TNFRSF11B: variants seen among roughly 807,000 people sequenced by gnomAD.
TNFRSF11B encodes the protein tumor necrosis factor receptor superfamily member 11B.
TNFRSF11B carries 16 observed loss-of-function variants against 43.4 expected under a neutral mutation model. That is an observed-to-expected ratio of 0.37 (90% CI 0.25 to 0.56). The LOEUF (loss-of-function observed/expected upper bound fraction) is 0.56, where lower values mean the gene tolerates loss of function less well. Among genes scored for constraint, TNFRSF11B ranks in the 20% least tolerant of loss-of-function variants. TNFRSF11B has a pLI of 0.80. For missense variants in TNFRSF11B, 444 were observed against 490.1 expected, an observed-to-expected ratio of 0.91 and a Z score of 0.89; for synonymous variants, 185 against 181.8, an observed-to-expected ratio of 1.02 and a Z score of -0.14.
chr8:118,930,700 C>T (rs1416152693), intron 2 of TNFRSF11B: 4 of 443,074 alleles, frequency 9.0e-6, no homozygotes, highest in Admixed American at 4.8e-5. Flanking sequence ...ATGTGAGCCA[C>T]CGTGCCGGGC....
chr8:118,929,746 A>G (rs970159094), intron 2 of TNFRSF11B, among the ~76,000 whole-genome samples: 1 of 152,254 alleles, frequency 6.6e-6, no homozygotes, highest in Admixed American at 6.5e-5. Context: ...TATATTACGC[A>G]TGGCTAGATC....
chr8:118,924,347 A>C lies in TNFRSF11B; in HGVS notation c.*27T>G, dbSNP rs1432607813. 6.2e-7 allele frequency: 1 copy of C among 1,613,032 alleles called. No individual in the cohort carries two copies. The highest frequency in any genetic ancestry group is 1.3e-5 in the African/African-American group (1 of 75,012). On this transcript the variant is annotated 3_prime_UTR_variant, in exon 5 of 5. Coordinates refer to ENST00000297350, the MANE Select transcript of TNFRSF11B (RefSeq NM_002546.4). The stretch of plus-strand genomic sequence containing the variant: ...CATCCATGGGATCTCGCCAATTGTG[A>C]GGAAACAGCTCAATGGCCATTTCCA...
chr8:118,936,883 G>T (rs1812413250), intron 1 of TNFRSF11B, among the ~76,000 whole-genome samples: 1 of 152,166 alleles, frequency 6.6e-6, no homozygotes, highest in African/African-American at 2.4e-5. Flanking sequence ...AGAATTAAAT[G>T]ATTTTCTTTC....
chr8:118,947,879 A>G (rs1002397384), intron 1 of TNFRSF11B, among the ~76,000 whole-genome samples: 58 of 152,154 alleles, frequency 3.8e-4, no homozygotes, highest in African/African-American at 1.3e-3. Context: ...GTTTATGGCA[A>G]TTTTACAAAA....
At position 118,944,614 on chromosome 8, in the gene TNFRSF11B, C is replaced by CT. The variant is rs200541219; in HGVS notation, c.30+7177dup. Among the ~76,000 whole-genome samples, 437 of 151,154 alleles carry CT rather than the reference C, an allele frequency of 2.9e-3. 1 individual carries two copies. The highest frequency in any genetic ancestry group is 9.9e-3 in the African/African-American group (408 of 41,268). On this transcript the variant is annotated intron_variant, in intron 1 of 4. Transcript: ENST00000297350. ...TTTTAGCACAATCTAGTTTTTTTTT[C>CT]TTTTTTTTACATTTTTTACTGGATA...
chr8:118,930,728 T>C (rs1403175838), intron 2 of TNFRSF11B: 1 of 450,152 alleles, frequency 2.2e-6, no homozygotes, highest in African/African-American at 2.0e-5. Flanking sequence ...TCTTGTTCAT[T>C]CTTCAGATAC....
At position 118,928,753 on chromosome 8, in the gene TNFRSF11B, G is replaced by C. The variant is rs1236166106; in HGVS notation, c.577C>G (p.Gln193Glu). 5 of 1,613,992 alleles carry C rather than the reference G, an allele frequency of 3.1e-6. No individual in the cohort carries two copies. The highest frequency in any genetic ancestry group is 8.5e-7 in the Non-Finnish European group (1 of 1,180,022). The change falls in exon 3 of 5, where the codon CAA becomes GAA. Residue 193 changes from glutamine (Q) to glutamate (E), a missense_variant. Physicochemically the swap from Gln to Glu is conservative, Grantham distance 29. Transcript: ENST00000297350. Reference protein sequence around the residue: ...NICSGNSESTQKCGIDVTLCE... With the variant: ...NICSGNSESTEKCGIDVTLCE... ...ATGTAATTACCTATTCCACATTTTT[G>C]AGTTGATTCACTGTTTCCGGAACAT...
In TNFRSF11B at chr8:118,928,859, T is replaced by C. The variant is rs1319358107; in HGVS notation, c.471A>G (p.Lys157=). 17 of 1,614,110 alleles carry C rather than the reference T, an allele frequency of 1.1e-5. No individual in the cohort carries two copies. Among genetic ancestry groups the C allele is most frequent in the Non-Finnish European group, 1.4e-5 (17 of 1,180,048 alleles). Residue 157 remains lysine, a synonymous_variant, in exon 3 of 5, where the codon AAA becomes AAG. Transcript: ENST00000297350. ...AATTTGTGTGTTTTCTACAGGGTGCTTTAGATGACGTCTCATTTGAGAAGA... is the reference window on the plus strand; with the variant it reads ...AATTTGTGTGTTTTCTACAGGGTGCCTTAGATGACGTCTCATTTGAGAAGA... The part of the protein sequence containing the change: ...DGFFSNETSS[K]APCRKHTNCS...
At chr8:118,950,899 A>G (rs1812634139) in intron 1 of TNFRSF11B, among the ~76,000 whole-genome samples, 1 of 152,244 alleles carries the variant, frequency 6.6e-6, no homozygotes, top group Non-Finnish European at 1.5e-5. Flanking sequence ...TCCAAAACAC[A>G]TATGTGGCTT....
chr8:118,924,753 A>G lies in TNFRSF11B; in HGVS notation c.827T>C (p.Leu276Pro). The change falls in exon 5 of 5, where the codon CTC (leucine) becomes CCC (proline). Residue 276 changes from leucine (L) to proline (P), a missense_variant. Transcript: ENST00000297350. ...GTGCCGCTGCACGCTGTTTTCACAG[A>G]GGTCAATATCTGCATAAAGCAAAAG... ...IVKKIIQDID[L>P]CENSVQRHIG... is the part of the protein sequence containing the mutation. The G allele has an allele frequency of 6.2e-7, 1 of 1,614,154 alleles. No individual in the cohort carries two copies. Among genetic ancestry groups the G allele is most frequent in the Middle Eastern group, 1.6e-4 (1 of 6,062 alleles).
At chr8:118,926,044 TA>T (rs1272326608) in intron 4 of TNFRSF11B, among the ~76,000 whole-genome samples, 2 of 152,216 alleles carry the variant, frequency 1.3e-5, no homozygotes. Flanking sequence ...TGAGGATTAA[TA>T]AGAACATATT....
chr8:118,931,613 A>T (rs1812330221), intron 2 of TNFRSF11B, among the ~76,000 whole-genome samples: 1 of 152,176 alleles, frequency 6.6e-6, no homozygotes, highest in Non-Finnish European at 1.5e-5. Flanking sequence ...GAAAGTAGGA[A>T]CTATCACCAA....
At chr8:118,931,906 C>G (rs1255791937) in intron 2 of TNFRSF11B, among the ~76,000 whole-genome samples, 1 of 152,074 alleles carries the variant, frequency 6.6e-6, no homozygotes. Context: ...TTGACAGTGT[C>G]TGAAGACATT....
intron 2 of TNFRSF11B, among the ~76,000 whole-genome samples, chr8:118,931,383 A>G (rs1812325986): frequency 6.6e-6 from 1 of 152,150 alleles, no homozygotes; most frequent in South Asian, 2.1e-4. Context: ...TCATTCTACA[A>G]ACAGATTTTC....
Position 118,935,328 on chromosome 8 carries a change from C to A in TNFRSF11B, c.31-2028G>T, listed in dbSNP as rs570987423. Among the ~76,000 whole-genome samples, 9 of 152,300 alleles carry A rather than the reference C, an allele frequency of 5.9e-5. No homozygotes were observed. The South Asian group carries it at 1.7e-3, about 28-fold the overall frequency. ...AACCTATTTCTTCATTCAACACACA[C>A]TCCTTGAGCATCCACTATGTACCAG... On this transcript the variant is annotated intron_variant, in intron 1 of 4. Transcript: ENST00000297350.
chr8:118,928,665 G>A lies in TNFRSF11B; in HGVS notation c.592+73C>T, dbSNP rs950472367. ...AAGTTTGACCAAGAATGTGGCTGGAGGCCTTGTGTTCAACTCAGAGAGAGA... is the reference window on the plus strand; with the variant it reads ...AAGTTTGACCAAGAATGTGGCTGGAAGCCTTGTGTTCAACTCAGAGAGAGA... On this transcript the variant is annotated intron_variant, in intron 3 of 4. Coordinates refer to ENST00000297350, the MANE Select transcript of TNFRSF11B (RefSeq NM_002546.4). 32 of 1,497,998 alleles carry A rather than the reference G, an allele frequency of 2.1e-5. No homozygotes were observed. The South Asian group carries it at 3.6e-4, about 17-fold the overall frequency. The allele number at this position is 1,497,998 out of a possible 1,614,324, so 92.8% of individuals were successfully genotyped here. A position where few individuals can be genotyped will look rare whatever the true frequency, so the allele number is the denominator to read the frequency against.
chr8:118,925,632 A>G (rs1424673392), intron 4 of TNFRSF11B, among the ~76,000 whole-genome samples: 2 of 152,202 alleles, frequency 1.3e-5, no homozygotes, highest in Non-Finnish European at 2.9e-5. Flanking sequence ...GAAGTTTTTT[A>G]GGGTAGTGCA....
chr8:118,936,497 C>G (rs1812407953), intron 1 of TNFRSF11B, among the ~76,000 whole-genome samples: 1 of 152,078 alleles, frequency 6.6e-6, no homozygotes, highest in Non-Finnish European at 1.5e-5. Context: ...ATTAATAGAG[C>G]TCTTCATCTC....
In TNFRSF11B at chr8:118,932,982, A is replaced by G. The variant is rs104894092; in HGVS notation, c.349T>C (p.Phe117Leu). The change falls in exon 2 of 5, where the codon TTC (phenylalanine) becomes CTC (leucine). Residue 117 changes from phenylalanine to leucine, a missense_variant. By Grantham distance (22) the Phe-to-Leu change is conservative. Transcript: ENST00000297350. The part of the protein sequence containing the change: ...CKEGRYLEIE[F>L]CLKHRSCPPG... ...GGGCAGCTCCTATGTTTCAAGCAGA[A>G]CTCTATCTCAAGGTAGCGCCCTTCC... is the stretch of plus-strand genomic sequence containing the variant. 6.2e-6 allele frequency: 10 copies of G among 1,613,934 alleles called. No homozygotes were observed. In the Admixed American group the frequency reaches 1.0e-4, roughly 16 times the overall value.
Sources: gnomAD v4.1 joint callset for allele counts (sites outside exome capture counted in the v4.1 genomes callset) on GRCh38, gnomAD v4.1.1 for gene constraint, MANE v1.5 for transcripts, NCBI Gene and HGNC (gene_info 2026-07-23, HGNC 2026-07-21) for gene names.